The following HS3ST2 variants were observed in gnomAD, a reference collection of about 807,000 sequenced individuals.
HS3ST2 encodes heparan sulfate glucosamine 3-O-sulfotransferase 2.
A neutral mutation model predicts 26.3 loss-of-function variants in HS3ST2; 17 were observed. The observed-to-expected ratio is 0.65, with a 90% CI of 0.44 to 0.97. The LOEUF is 0.97. Ranked by LOEUF, HS3ST2 falls within the 50% of genes least tolerant of loss-of-function variation. The pLI, the probability that HS3ST2 is intolerant of heterozygous loss-of-function variation, is 0.00. For synonymous variants in HS3ST2, 237 were observed against 219.2 expected (o/e 1.08, Z -0.72); for missense variants, 402 against 501.2 (o/e 0.80, Z 1.89).
At chr16:22,828,990 G>A (rs1238898549) in intron 1 of HS3ST2, among the ~76,000 whole-genome samples, 1 of 152,206 alleles carries the variant, frequency 6.6e-6, no homozygotes, top group Non-Finnish European at 1.5e-5. Flanking sequence ...ATGACTCTGG[G>A]AAGTACTCAG....
chr16:22,877,989 C>T (rs1183484177), intron 1 of HS3ST2, among the ~76,000 whole-genome samples: 1 of 152,196 alleles, frequency 6.6e-6, no homozygotes, highest in African/African-American at 2.4e-5. Flanking sequence ...CAAGACAATG[C>T]TGGGAAGCAC....
intron 1 of HS3ST2, among the ~76,000 whole-genome samples, chr16:22,909,164 C>G (rs540730409): frequency 6.6e-6 from 1 of 152,308 alleles, no homozygotes; most frequent in Non-Finnish European, 1.5e-5. Flanking sequence ...TTTGGACATG[C>G]ATCCCCACCC....
chr16:22,915,183 A>C lies in HS3ST2; in HGVS notation c.725A>C (p.Asp242Ala). Residue 242 changes from aspartate (D) to alanine (A), a missense_variant, in exon 2 of 2, where the codon GAC (aspartate) becomes GCC (alanine). Physicochemically the swap from Asp to Ala is moderately radical, Grantham distance 126. Around this residue, in one of 2 missense-constraint regions of HS3ST2, gnomAD observed 237 missense variants for 346.6 expected, o/e 0.68. Coordinates refer to ENST00000261374, the MANE Select transcript of HS3ST2 (RefSeq NM_006043.2). ...CGCAACCGCACCCTGGGCCTGGTGG[A>C]CGTGTCATGGAACGCCATCCGCATC... ...SFRNRTLGLV[D>A]VSWNAIRIGM... 1 of 1,614,130 alleles carries C rather than the reference A, an allele frequency of 6.2e-7. No individual in the cohort carries two copies.
intron 1 of HS3ST2, among the ~76,000 whole-genome samples, chr16:22,892,776 C>T (rs911989130): frequency 6.6e-6 from 1 of 152,174 alleles, no homozygotes; most frequent in Non-Finnish European, 1.5e-5. Context: ...TACAGCTTTA[C>T]AATATATATA....
At chr16:22,854,205 G>A (rs753921066) in intron 1 of HS3ST2, among the ~76,000 whole-genome samples, 3 of 152,070 alleles carry the variant, frequency 2.0e-5, no homozygotes, top group African/African-American at 4.8e-5. Flanking sequence ...GCTCAACATC[G>A]TCTTTGATGT....
rs78221507 is a variant in HS3ST2, at chr16:22,829,070, C to G, written c.485+13975C>G. On this transcript the variant is annotated intron_variant, in intron 1 of 1. Coordinates refer to ENST00000261374, the MANE Select transcript of HS3ST2 (RefSeq NM_006043.2). ...GGCAATTGTGCAAGCAAGGTAGTCT[C>G]TAAAACAGGAACCTCTGAGCACCTC... is the stretch of plus-strand genomic sequence containing the variant. 1.3e-3 allele frequency among the ~76,000 whole-genome samples: 204 copies of G among 152,354 alleles called. 3 individuals carry two copies. In the East Asian group the frequency reaches 0.034, roughly 25 times the overall value.
intron 1 of HS3ST2, among the ~76,000 whole-genome samples, chr16:22,848,429 G>T (rs137952409): frequency 1.3e-3 from 195 of 152,270 alleles, no homozygotes; most frequent in African/African-American, 4.5e-3. Flanking sequence ...GTTCTGTCAA[G>T]ATTTTTTGAA....
At chr16:22,912,349 G>T (rs555099503) in intron 1 of HS3ST2, among the ~76,000 whole-genome samples, 19 of 152,334 alleles carry the variant, frequency 1.2e-4, no homozygotes, top group African/African-American at 4.1e-4. Context: ...AAAGAACTGC[G>T]AGGCCAGGGT....
In HS3ST2 at chr16:22,871,016, T is replaced by C. The variant is rs866572195; in HGVS notation, c.486-43928T>C. Among the ~76,000 whole-genome samples, 3 of 152,312 alleles carry C rather than the reference T, an allele frequency of 2.0e-5. No individual in the cohort carries two copies. In the South Asian group the frequency reaches 6.2e-4, roughly 32 times the overall value. The stretch of plus-strand genomic sequence containing the variant: ...CAGGCACCCTGTTTTTCACTTTCAG[T>C]ATAGTATTCAATAAGTCACATGAGC... On this transcript the variant is annotated intron_variant, in intron 1 of 1. Coordinates refer to ENST00000261374, the MANE Select transcript of HS3ST2 (RefSeq NM_006043.2).
chr16:22,888,929 C>A (rs1348952600), intron 1 of HS3ST2, among the ~76,000 whole-genome samples: 1 of 152,128 alleles, frequency 6.6e-6, no homozygotes, highest in Non-Finnish European at 1.5e-5. Context: ...GTTTTGTAGC[C>A]CTTTGTCTTC....
At chr16:22,848,789 C>A (rs546039452) in intron 1 of HS3ST2, among the ~76,000 whole-genome samples, 26 of 152,286 alleles carry the variant, frequency 1.7e-4, no homozygotes, top group Non-Finnish European at 2.9e-4. Flanking sequence ...TAACTTAACA[C>A]GAGGCTCTAT....
At chr16:22,899,242 A>C in intron 1 of HS3ST2, among the ~76,000 whole-genome samples, 1 of 152,184 alleles carries the variant, frequency 6.6e-6, no homozygotes, top group East Asian at 1.9e-4. Flanking sequence ...CAATTCAGGC[A>C]GGAAACTGGG....
chr16:22,850,831 C>CA (rs1264849532), intron 1 of HS3ST2, among the ~76,000 whole-genome samples: 4 of 151,942 alleles, frequency 2.6e-5, no homozygotes, highest in Non-Finnish European at 5.9e-5. Flanking sequence ...AACACAACAA[C>CA]AACAAAAAAA....
chr16:22,902,497 A>T (rs974296713), intron 1 of HS3ST2, among the ~76,000 whole-genome samples: 11 of 152,316 alleles, frequency 7.2e-5, no homozygotes, highest in African/African-American at 2.6e-4. Flanking sequence ...TCCTCATGTC[A>T]ACTGCAAATA....
chr16:22,819,157 C>T (rs141002202), intron 1 of HS3ST2, among the ~76,000 whole-genome samples: 208 of 52,016 alleles, frequency 4.0e-3, no homozygotes, highest in Middle Eastern at 0.013. Flanking sequence ...CCTTCCTTCC[C>T]TCCTTCCTTC....
chr16:22,895,262 G>C (rs1430319813), intron 1 of HS3ST2, among the ~76,000 whole-genome samples: 2 of 151,822 alleles, frequency 1.3e-5, no homozygotes, highest in African/African-American at 4.8e-5. Flanking sequence ...GCTGATTTTT[G>C]TATTTTCAGT....
Position 22,901,646 on chromosome 16 carries a change from A to G in HS3ST2, c.486-13298A>G, listed in dbSNP as rs1039468807. Among the ~76,000 whole-genome samples, 46 of 152,344 alleles carry G rather than the reference A, an allele frequency of 3.0e-4. 1 individual carries two copies. The highest frequency in any genetic ancestry group is 9.6e-4 in the African/African-American group (40 of 41,584). ...ATAGGACCAAAGAAATTGAAGTCCA[A>G]TTGCCTGGAAATGTATCAGAGCTGT... On this transcript the variant is annotated intron_variant, in intron 1 of 1. Transcript: ENST00000261374.
intron 1 of HS3ST2, among the ~76,000 whole-genome samples, chr16:22,884,680 T>C (rs1029529930): frequency 7.2e-6 from 1 of 138,336 alleles, no homozygotes; most frequent in African/African-American, 2.9e-5. Context: ...ATATATATTA[T>C]ATATATATAT....
chr16:22,860,232 A>G (rs1901655820), intron 1 of HS3ST2, among the ~76,000 whole-genome samples: 1 of 152,176 alleles, frequency 6.6e-6, no homozygotes, highest in South Asian at 2.1e-4. Context: ...GTGGAAGACA[A>G]AGAGCAAAGG....
Sources: gnomAD v4.1 joint callset for allele counts (sites outside exome capture counted in the v4.1 genomes callset) on GRCh38, gnomAD v4.1.1 for gene constraint, gnomAD v4.1.1 regional missense constraint, MANE v1.5 for transcripts, NCBI Gene and HGNC (gene_info 2026-07-23, HGNC 2026-07-21) for gene names.